NUP43: variants seen among roughly 807,000 people sequenced by gnomAD.
NUP43 encodes nucleoporin Nup43.
NUP43 carries 32 observed loss-of-function variants against 47.3 expected under a neutral mutation model. The ratio of observed to expected loss-of-function variants is 0.68; its 90% confidence interval spans 0.51 to 0.91. The LOEUF is 0.91. NUP43 is among the 40% of genes least tolerant of loss of function. NUP43 has a pLI of 0.00. For missense variants in NUP43, 444 were observed against 453.9 expected, an observed-to-expected ratio of 0.98 and a Z score of 0.20; for synonymous variants, 147 against 158.4, an observed-to-expected ratio of 0.93 and a Z score of 0.54.
At position 149,744,885 on chromosome 6, in the gene NUP43, TTTTATTTA is replaced by T. The variant is rs756078071; in HGVS notation, c.243+1047_243+1054del. On this transcript the variant is annotated intron_variant, in intron 2 of 7. Transcript: ENST00000340413. ...TAGAGCTAGATAGCTTTCTTTTTTA[TTTTATTTA>T]TTTATTTATTTATTTATTTATTATT... Among the ~76,000 whole-genome samples, 299 of 150,866 alleles carry T rather than the reference TTTTATTTA, an allele frequency of 2.0e-3. 1 individual carries two copies. The highest frequency in any genetic ancestry group is 5.8e-3 in the African/African-American group (239 of 41,232).
At chr6:149,728,493 G>T (rs1784890282) in intron 7 of NUP43, 1 of 980,526 alleles carries the variant, frequency 1.0e-6, no homozygotes, top group African/African-American at 1.8e-5. Context: ...AGAAGTTTTA[G>T]AATTTTTTTC....
At chr6:149,746,263 G>T in intron 1 of NUP43, 113 bp downstream of exon 1, 1 of 1,478,792 alleles carries the variant, frequency 6.8e-7, no homozygotes, top group Non-Finnish European at 9.2e-7. Context: ...GGGTCCGGGG[G>T]ACCTAAAAGT....
rs760371409 is a variant in NUP43, at chr6:149,746,496, G to T, written c.-1C>A. On this transcript the variant is annotated 5_prime_UTR_variant, in exon 1 of 8. Coordinates refer to ENST00000340413, the MANE Select transcript of NUP43 (RefSeq NM_198887.3). The stretch of plus-strand genomic sequence containing the variant: ...CAAACTTCGCATAAATTTCCTCCAT[G>T]CCGAAAGCGGCCGCAGCAGGTACTG... 2.5e-6 allele frequency: 4 copies of T among 1,614,050 alleles called. No homozygotes were observed. Among genetic ancestry groups the T allele is most frequent in the Non-Finnish European group, 3.4e-6 (4 of 1,180,036 alleles).
At chr6:149,739,459 G>T (rs1015293658) in intron 4 of NUP43, among the ~76,000 whole-genome samples, 1 of 151,668 alleles carries the variant, frequency 6.6e-6, no homozygotes, top group East Asian at 1.9e-4. Context: ...GCTAATTTTT[G>T]TATTTTTAGT....
intron 7 of NUP43, chr6:149,728,014 C>T (rs2115071998): frequency 1.0e-6 from 1 of 985,374 alleles, no homozygotes; most frequent in Non-Finnish European, 1.2e-6. Context: ...CATTTAAAAT[C>T]TTGCTGATCC....
intron 6 of NUP43, among the ~76,000 whole-genome samples, chr6:149,734,925 T>G (rs1363811295): frequency 6.6e-6 from 1 of 151,682 alleles, no homozygotes; most frequent in Non-Finnish European, 1.5e-5. Flanking sequence ...CTTATAAATC[T>G]ATTGTTCATG....
chr6:149,746,764 C>A (rs1415923784), upstream of NUP43: 4 of 1,243,116 alleles, frequency 3.2e-6, no homozygotes, highest in South Asian at 1.5e-5. Context: ...TCAGTATTTT[C>A]TTGTGTTCAA....
At chr6:149,746,132 C>T (rs757966714) in intron 1 of NUP43, 70 bp from the exon 2 acceptor site, 5 of 1,550,686 alleles carry the variant, frequency 3.2e-6, no homozygotes, top group East Asian at 4.5e-5. Flanking sequence ...GTTGTGCTCC[C>T]GTCCGGAAAT....
upstream of NUP43, chr6:149,746,677 A>G (rs745312447): frequency 6.5e-6 from 10 of 1,547,352 alleles, no homozygotes; most frequent in African/African-American, 1.4e-5. Context: ...AGGCCCACCC[A>G]TCTCACAGAG....
In NUP43 at chr6:149,731,880, G is replaced by C. The variant is rs1256340650; in HGVS notation, c.791-145C>G. ...TCTGTCCTAAAAATTAAAGGCTTCA[G>C]AATTAAAGAAAAGACATAATGTAAC... On this transcript the variant is annotated intron_variant, in intron 6 of 7. Coordinates refer to ENST00000340413, the MANE Select transcript of NUP43 (RefSeq NM_198887.3). 4 of 776,510 alleles carry C rather than the reference G, an allele frequency of 5.2e-6. No individual in the cohort carries two copies. In the Admixed American group the frequency reaches 8.6e-5, roughly 17 times the overall value. 48.1% of individuals were successfully genotyped at this position (776,510 alleles called of 1,614,324 possible).
chr6:149,742,447 C>T lies in NUP43; in HGVS notation c.445G>A (p.Glu149Lys). Residue 149 changes from glutamate to lysine, a missense_variant, in exon 4 of 8, where the codon GAG becomes AAG. Coordinates refer to ENST00000340413, the MANE Select transcript of NUP43 (RefSeq NM_198887.3). Reference protein sequence around the residue: ...CNNPEIVTVGEDGRINLFRAD... With the variant: ...CNNPEIVTVGKDGRINLFRAD... ...CTGAAGAGATTTATTCGACCATCCTCTCCAACTGTAACGATTTCTGGGTTG... is the reference window on the plus strand; with the variant it reads ...CTGAAGAGATTTATTCGACCATCCTTTCCAACTGTAACGATTTCTGGGTTG... 4 of 1,614,224 alleles carry T rather than the reference C, an allele frequency of 2.5e-6. No homozygotes were observed. Among genetic ancestry groups the T allele is most frequent in the East Asian group, 2.2e-5 (1 of 44,886 alleles).
intron 6 of NUP43, among the ~76,000 whole-genome samples, chr6:149,735,975 TAAAA>T (rs75190982): frequency 4.3e-5 from 5 of 117,168 alleles, no homozygotes; most frequent in Admixed American, 9.2e-5. Flanking sequence ...CCTGTCTCTT[TAAAA>T]AAAAAAAAAA....
chr6:149,744,127 G>T (rs1487784303), intron 2 of NUP43, among the ~76,000 whole-genome samples: 1 of 152,082 alleles, frequency 6.6e-6, no homozygotes, highest in Admixed American at 6.6e-5. Flanking sequence ...ACAAAAATGA[G>T]TTGGGGTTGT....
chr6:149,731,824 T>C lies in NUP43; in HGVS notation c.791-89A>G. On this transcript the variant is annotated intron_variant, in intron 6 of 7. Transcript: ENST00000340413. Reference sequence around the variant, plus strand: ...CCCATCTCTAGGCATCATCTTCCATTATCCTCCATCACATACCTTCGAGCC... The same window carrying C: ...CCCATCTCTAGGCATCATCTTCCATCATCCTCCATCACATACCTTCGAGCC... The C allele has an allele frequency of 1.0e-5, 14 of 1,374,334 alleles. No individual in the cohort carries two copies. The South Asian group carries it at 1.7e-4, about 17-fold the overall frequency. 85.1% of individuals were successfully genotyped at this position (1,374,334 alleles called of 1,614,324 possible). A position where few individuals can be genotyped will look rare whatever the true frequency, so the allele number is the denominator to read the frequency against.
intron 3 of NUP43, 57 bp downstream of exon 3, chr6:149,743,581 G>A: frequency 8.8e-7 from 1 of 1,140,774 alleles, no homozygotes. Flanking sequence ...CGGGCAACAA[G>A]AGCAAAACTC....
At chr6:149,746,695 G>A, upstream of NUP43, 1 of 1,526,738 alleles carries the variant, frequency 6.5e-7, no homozygotes, top group Non-Finnish European at 8.8e-7. Context: ...GAGCAGCTCT[G>A]AGCAAAGGCA....
At position 149,738,753 on chromosome 6, in the gene NUP43, A is replaced by G; in HGVS notation, c.528T>C (p.His176=). ...CAGGAGTTCGAAGAAAGGTTACAGC[A>G]TGGAGTGTACTACTATCTGCATTGT... ...TIDNADSSTL[H]AVTFLRTPEI... Residue 176 remains histidine (H), a synonymous_variant, in exon 5 of 8, where the codon CAT becomes CAC. Transcript: ENST00000340413. The G allele has an allele frequency of 1.9e-6, 3 of 1,586,706 alleles. No individual in the cohort carries two copies. The highest frequency in any genetic ancestry group is 2.6e-6 in the Non-Finnish European group (3 of 1,168,084).
At chr6:149,739,978 T>C (rs1192745058) in intron 4 of NUP43, among the ~76,000 whole-genome samples, 1 of 152,198 alleles carries the variant, frequency 6.6e-6, no homozygotes, top group African/African-American at 2.4e-5. Flanking sequence ...CAGGCAATGG[T>C]CATTAATTAA....
chr6:149,740,928 A>G (rs1785619375), intron 4 of NUP43, among the ~76,000 whole-genome samples: 1 of 152,074 alleles, frequency 6.6e-6, no homozygotes. Context: ...CATTCTCTGA[A>G]TGTCTTTATC....
Sources: gnomAD v4.1 joint callset for allele counts (sites outside exome capture counted in the v4.1 genomes callset) on GRCh38, gnomAD v4.1.1 for gene constraint, MANE v1.5 for transcripts, NCBI Gene and HGNC (gene_info 2026-07-23, HGNC 2026-07-21) for gene names.